Variants in PRDM9 observed in about 807,000 individuals in gnomAD.
The protein encoded by PRDM9 is histone-lysine N-methyltransferase PRDM9.
Under a neutral mutation model 55.6 loss-of-function variants are expected in PRDM9, and 47 were observed. That is an observed-to-expected ratio of 0.85 (90% CI 0.67 to 1.08). The LOEUF (loss-of-function observed/expected upper bound fraction) is 1.08. PRDM9 is among the 50% of genes least tolerant of loss of function. The probability of loss-of-function intolerance (pLI) is 0.00; values close to 1 mark genes in which losing one functional copy is unlikely to be tolerated. For synonymous variants in PRDM9, 312 were observed against 375.7 expected (o/e 0.83, Z 1.96); for missense variants, 867 against 1,040.3 (o/e 0.83, Z 2.29).
At chr5:23,513,098 A>C (rs529629659) in intron 4 of PRDM9, among the ~76,000 whole-genome samples, 1 of 152,194 alleles carries the variant, frequency 6.6e-6, no homozygotes, top group Non-Finnish European at 1.5e-5. Flanking sequence ...GTGTGCAAAT[A>C]TCTCTTTGAG....
intron 9 of PRDM9, among the ~76,000 whole-genome samples, chr5:23,523,934 G>A (rs922249139): frequency 1.6e-4 from 24 of 152,202 alleles, no homozygotes; most frequent in Admixed American, 1.5e-3. Context: ...CTTGGGCTGA[G>A]TGTAGAATGA....
rs751139614 is a variant in PRDM9 at position 23,527,401 on chromosome 5, A to C, written c.2313A>C (p.Thr771=). ...TCCTCAGACACCAGAGGACACACACAGGGGAGAAGCCCTATGTCTGCAGGG... is the reference window on the plus strand; with the variant it reads ...TCCTCAGACACCAGAGGACACACACCGGGGAGAAGCCCTATGTCTGCAGGG... ...SHLLRHQRTH[T]GEKPYVCREC... is the part of the protein sequence containing the mutation. The change falls in exon 11 of 11, where the codon ACA becomes ACC. Residue 771 remains threonine (T), a synonymous_variant. Transcript: ENST00000296682. The C allele has an allele frequency of 3.8e-6, 6 of 1,588,784 alleles. No individual in the cohort carries two copies. Among genetic ancestry groups the C allele is most frequent in the African/African-American group, 1.5e-5 (1 of 66,970 alleles).
At chr5:23,512,659 C>G (rs1400623931) in intron 4 of PRDM9, among the ~76,000 whole-genome samples, 1 of 152,078 alleles carries the variant, frequency 6.6e-6, no homozygotes. Flanking sequence ...TATATTTACT[C>G]TTCTAACAAT....
intron 6 of PRDM9, 74 bp from the exon 7 acceptor site, chr5:23,522,230 T>A (rs1334006287): frequency 7.8e-7 from 1 of 1,281,608 alleles, no homozygotes; most frequent in South Asian, 1.2e-5. Flanking sequence ...GATGGTAGAT[T>A]TCACATTTTC....
intron 7 of PRDM9, 93 bp from the exon 8 acceptor site, chr5:23,522,521 G>A: frequency 6.3e-7 from 1 of 1,595,146 alleles, no homozygotes; most frequent in Non-Finnish European, 8.6e-7. Context: ...CAGGATTAGG[G>A]CTAAATAATG....
rs972972087 is a variant in PRDM9, at chr5:23,509,038, G to A, written c.5G>A (p.Ser2Asn). M[S>N]PEKSQEESPE... is the part of the protein sequence containing the mutation. ...CTTCTAGACAGTCCCAGCACCATGA[G>A]CCCTGAAAAGTCCCAAGAGGAGAGC... Residue 2 changes from serine (S) to asparagine (N), a missense_variant, in exon 2 of 11, where the codon AGC (serine) becomes AAC (asparagine). Physicochemically the swap from Ser to Asn is conservative, Grantham distance 46. This residue lies in a region of PRDM9 where 662 missense variants were observed against 711.9 expected (regional missense o/e 0.93). Coordinates refer to ENST00000296682, the MANE Select transcript of PRDM9 (RefSeq NM_020227.4). The A allele has an allele frequency of 1.2e-6, 2 of 1,613,948 alleles. No homozygotes were observed. Among genetic ancestry groups the A allele is most frequent in the African/African-American group, 2.7e-5 (2 of 74,910 alleles).
chr5:23,524,250 G>T, intron 9 of PRDM9, 84 bp from the exon 10 acceptor site: 2 of 1,538,676 alleles, frequency 1.3e-6, no homozygotes, highest in South Asian at 2.2e-5. Context: ...TGGAGGCCTA[G>T]ACCAGCAGGT....
intron 10 of PRDM9, among the ~76,000 whole-genome samples, chr5:23,525,172 T>C (rs1013307489): frequency 6.6e-6 from 1 of 152,136 alleles, no homozygotes; most frequent in Non-Finnish European, 1.5e-5. Context: ...GGAGACAGCA[T>C]TTGAGAAGTG....
intron 3 of PRDM9, 43 bp from the exon 4 acceptor site, chr5:23,509,877 C>T (rs1739055061): frequency 6.2e-7 from 1 of 1,607,452 alleles, no homozygotes. Flanking sequence ...TGTTCCTTCT[C>T]CCAGCTCTTC....
At position 23,522,665 on chromosome 5, in the gene PRDM9, C is replaced by A; in HGVS notation, c.662C>A (p.Pro221His). ...ATTGACAGCTGTGCTGCCCATGGGC[C>A]CCCTACATTTGTAAAGGACAGTGCA... is the stretch of plus-strand genomic sequence containing the variant. Reference protein sequence around the residue: ...FFIDSCAAHGPPTFVKDSAVD... With the variant: ...FFIDSCAAHGHPTFVKDSAVD... The change falls in exon 8 of 11, where the codon CCC becomes CAC. Residue 221 changes from proline to histidine, a missense_variant. Physicochemically the swap from Pro to His is moderately conservative, Grantham distance 77 (BLOSUM62 -2). Around this residue, in one of 5 missense-constraint regions of PRDM9, gnomAD observed 662 missense variants for 711.9 expected, o/e 0.93. Transcript: ENST00000296682. 6.2e-7 allele frequency: 1 copy of A among 1,614,186 alleles called. No individual in the cohort carries two copies. The highest frequency in any genetic ancestry group is 8.5e-7 in the Non-Finnish European group (1 of 1,180,028).
At chr5:23,519,535 G>GT (rs1451003494) in intron 5 of PRDM9, among the ~76,000 whole-genome samples, 3 of 151,596 alleles carry the variant, frequency 2.0e-5, no homozygotes, top group Middle Eastern at 3.4e-3. Context: ...CACCTGGCTA[G>GT]TTTTTTGTAT....
Position 23,527,260 on chromosome 5 carries a change from G to C in PRDM9, c.2172G>C (p.Glu724Asp). The change falls in exon 11 of 11, where the codon GAG becomes GAC. Residue 724 changes from glutamate to aspartate, a missense_variant. By Grantham distance (45) the Glu-to-Asp change is conservative. Coordinates refer to ENST00000296682, the MANE Select transcript of PRDM9 (RefSeq NM_020227.4). ...HTGEKPYVCR[E>D]CGRGFSNKSH... ...GGGAGAAGCCCTATGTCTGCAGGGAGTGTGGGCGGGGCTTTAGCAATAAGT... is the reference window on the plus strand; with the variant it reads ...GGGAGAAGCCCTATGTCTGCAGGGACTGTGGGCGGGGCTTTAGCAATAAGT... 6.5e-7 allele frequency: 1 copy of C among 1,539,464 alleles called. No individual in the cohort carries two copies. Among genetic ancestry groups the C allele is most frequent in the Non-Finnish European group, 8.8e-7 (1 of 1,138,782 alleles).
intron 4 of PRDM9, among the ~76,000 whole-genome samples, chr5:23,514,903 TTTAA>T (rs1245541284): frequency 9.8e-5 from 15 of 152,294 alleles, no homozygotes; most frequent in African/African-American, 3.6e-4. Context: ...CCACTCATTA[TTTAA>T]TTATTTGTTT....
intron 3 of PRDM9, 150 bp from the exon 4 acceptor site, chr5:23,509,770 C>A: frequency 7.4e-7 from 1 of 1,347,886 alleles, no homozygotes; most frequent in Non-Finnish European, 1.0e-6. Flanking sequence ...TGGATATTGA[C>A]CATGCAGAGG....
intron 10 of PRDM9, 31 bp downstream of exon 10, chr5:23,524,558 C>T (rs778743407): frequency 1.2e-6 from 2 of 1,611,864 alleles, no homozygotes; most frequent in South Asian, 1.1e-5. Context: ...TTTAAAAGGA[C>T]AGGAAAGAAA....
chr5:23,516,895 T>C (rs1313490225), intron 4 of PRDM9, among the ~76,000 whole-genome samples: 1 of 148,832 alleles, frequency 6.7e-6, no homozygotes, highest in Non-Finnish European at 1.5e-5. Flanking sequence ...TCCTAGCACT[T>C]TGGGAGGCCA....
At chr5:23,512,921 C>A (rs1304110473) in intron 4 of PRDM9, among the ~76,000 whole-genome samples, 12 of 152,154 alleles carry the variant, frequency 7.9e-5, no homozygotes, top group Admixed American at 7.9e-4. Context: ...CATAATGTCC[C>A]CAAGATTCAC....
chr5:23,526,846 G>A lies in PRDM9; in HGVS notation c.1758G>A (p.Gly586=). 6.2e-7 allele frequency: 1 copy of A among 1,605,658 alleles called. No individual in the cohort carries two copies. The highest frequency in any genetic ancestry group is 1.1e-5 in the South Asian group (1 of 90,176). Residue 586 remains glycine (G), a synonymous_variant, in exon 11 of 11, where the codon GGG becomes GGA. Transcript: ENST00000296682. ...GEKPYVCREC[G]RGFSWQSVLL... ...AGCCCTATGTCTGCAGGGAGTGTGG[G>A]CGGGGCTTTAGCTGGCAGTCAGTCC...
At chr5:23,517,739 A>G in intron 4 of PRDM9, 142 bp from the exon 5 acceptor site, 1 of 793,524 alleles carries the variant, frequency 1.3e-6, no homozygotes, top group Non-Finnish European at 2.2e-6. Flanking sequence ...GTGAGTGGAG[A>G]TTGAGCCACT....
Sources: gnomAD v4.1 joint callset for allele counts (sites outside exome capture counted in the v4.1 genomes callset) on GRCh38, gnomAD v4.1.1 for gene constraint, gnomAD v4.1.1 regional missense constraint, MANE v1.5 for transcripts, NCBI Gene and HGNC (gene_info 2026-07-23, HGNC 2026-07-21) for gene names.